The following STX18 variants were observed in gnomAD, a reference collection of about 807,000 sequenced individuals.
The protein encoded by STX18 is syntaxin 18.
Under a neutral mutation model 50.1 loss-of-function variants are expected in STX18, and 40 were observed. The ratio of observed to expected loss-of-function variants is 0.80; its 90% CI spans 0.62 to 1.04. The LOEUF (loss-of-function observed/expected upper bound fraction) is 1.04, where lower values mean the gene tolerates loss of function less well. Ranked by LOEUF, STX18 falls within the 50% of genes least tolerant of loss-of-function variation. STX18 has a pLI of 0.00. For missense variants in STX18, 410 were observed against 415.8 expected (o/e 0.99, Z 0.12); for synonymous variants, 158 against 151.8 (o/e 1.04, Z -0.30).
At chr4:4,438,095 T>C (rs1019386380) in intron 6 of STX18, among the ~76,000 whole-genome samples, 74 of 152,338 alleles carry the variant, frequency 4.9e-4, no homozygotes, top group African/African-American at 1.7e-3. Flanking sequence ...CTGCCTCTCC[T>C]GAGGCCGGCA....
At chr4:4,456,939 C>T (rs915444781) in intron 5 of STX18, among the ~76,000 whole-genome samples, 5 of 152,148 alleles carry the variant, frequency 3.3e-5, no homozygotes, top group Non-Finnish European at 5.9e-5. Context: ...GGCCAAGCCT[C>T]CTGAGCCTCA....
At chr4:4,517,559 T>C (rs1730327789) in intron 1 of STX18, among the ~76,000 whole-genome samples, 2 of 152,190 alleles carry the variant, frequency 1.3e-5, no homozygotes, top group African/African-American at 4.8e-5. Flanking sequence ...CAAGAAAATC[T>C]AGCAATTTTA....
At chr4:4,488,415 A>G (rs536503854) in intron 1 of STX18, among the ~76,000 whole-genome samples, 37 of 152,346 alleles carry the variant, frequency 2.4e-4, no homozygotes, top group Admixed American at 2.4e-3. Context: ...GAAAACCGAC[A>G]TATCTCACAA....
At chr4:4,497,298 C>A (rs1729224092) in intron 1 of STX18, among the ~76,000 whole-genome samples, 1 of 152,246 alleles carries the variant, frequency 6.6e-6, no homozygotes. Context: ...GGAGCACAGA[C>A]TTCTGTTTTC....
At chr4:4,534,891 C>G (rs546848423) in intron 1 of STX18, among the ~76,000 whole-genome samples, 1 of 152,356 alleles carries the variant, frequency 6.6e-6, no homozygotes, top group East Asian at 1.9e-4. Context: ...CACAACTAGG[C>G]AGTGGGCCGG....
At chr4:4,439,517 TAC>T (rs1266829282) in intron 5 of STX18, among the ~76,000 whole-genome samples, 10 of 122,230 alleles carry the variant, frequency 8.2e-5, no homozygotes, top group Non-Finnish European at 1.3e-4. Flanking sequence ...CACATATACA[TAC>T]ACATATACTC....
intron 7 of STX18, chr4:4,425,429 C>A: frequency 1.6e-6 from 1 of 606,100 alleles, no homozygotes; most frequent in Non-Finnish European, 2.9e-6. Flanking sequence ...AGCTGTGCTG[C>A]CTGGTAATTG....
Position 4,434,789 on chromosome 4 carries a change from G to A in STX18, c.683C>T (p.Ser228Phe). The A allele has an allele frequency of 6.2e-7, 1 of 1,606,612 alleles. No homozygotes were observed. Among genetic ancestry groups the A allele is most frequent in the South Asian group, 1.1e-5 (1 of 88,694 alleles). The change falls in exon 7 of 11, where the codon TCC (serine) becomes TTC (phenylalanine). Residue 228 changes from serine to phenylalanine, a missense_variant. Physicochemically the swap from Ser to Phe is radical, Grantham distance 155. Transcript: ENST00000306200. Reference protein sequence around the residue: ...WGDGKGEDELSPEEIQMFEQE... With the variant: ...WGDGKGEDELFPEEIQMFEQE... Reference sequence around the variant, plus strand: ...CATTACCATTTGTATTTCTTCTGGGGATAACTCATCTTCGCCTTTGCCATC... The same window carrying A: ...CATTACCATTTGTATTTCTTCTGGGAATAACTCATCTTCGCCTTTGCCATC...
chr4:4,503,273 T>C (rs1020479663), intron 1 of STX18, among the ~76,000 whole-genome samples: 1 of 152,220 alleles, frequency 6.6e-6, no homozygotes, highest in Non-Finnish European at 1.5e-5. Flanking sequence ...GAAATTGATA[T>C]TAAACCTTGT....
chr4:4,461,912 A>G (rs1303097142), intron 2 of STX18: 1 of 456,204 alleles, frequency 2.2e-6, no homozygotes. Flanking sequence ...CTACTTAGAG[A>G]CAGCAGAGGT....
chr4:4,480,047 A>G (rs1438544628), intron 1 of STX18, among the ~76,000 whole-genome samples: 1 of 152,248 alleles, frequency 6.6e-6, no homozygotes, highest in Non-Finnish European at 1.5e-5. Context: ...GGTGTGACCC[A>G]TATGCGTGAA....
intron 1 of STX18, among the ~76,000 whole-genome samples, chr4:4,491,921 A>G (rs1350138625): frequency 1.3e-5 from 2 of 152,170 alleles, no homozygotes; most frequent in East Asian, 1.9e-4. Flanking sequence ...CTGGTTTTGA[A>G]GTATGTCACA....
intron 5 of STX18, among the ~76,000 whole-genome samples, chr4:4,452,790 GA>G (rs1309894784): frequency 3.3e-5 from 5 of 152,202 alleles, no homozygotes; most frequent in Non-Finnish European, 7.3e-5. Context: ...AAAACCTTCT[GA>G]AAAGGTTTCA....
At chr4:4,461,863 G>A (rs1216917845) in intron 2 of STX18, 2 of 456,126 alleles carry the variant, frequency 4.4e-6, no homozygotes, top group Non-Finnish European at 8.8e-6. Flanking sequence ...AGCATGGGGT[G>A]TGCATATAGT....
intron 1 of STX18, among the ~76,000 whole-genome samples, chr4:4,486,172 C>A (rs774823108): frequency 2.6e-5 from 4 of 152,158 alleles, no homozygotes; most frequent in Non-Finnish European, 5.9e-5. Flanking sequence ...TTTGGGTGTT[C>A]AATCAATTTG....
chr4:4,532,183 G>T (rs1187306795), intron 1 of STX18, among the ~76,000 whole-genome samples: 1 of 152,186 alleles, frequency 6.6e-6, no homozygotes, highest in Non-Finnish European at 1.5e-5. Context: ...TATTGTAGAA[G>T]AATCTTGATT....
intron 1 of STX18, among the ~76,000 whole-genome samples, chr4:4,484,109 G>A (rs1007806895): frequency 1.5e-4 from 23 of 152,176 alleles, no homozygotes; most frequent in Non-Finnish European, 2.4e-4. Context: ...TGATCCGCCC[G>A]CCTTGGCCTC....
Position 4,420,957 on chromosome 4 carries a change from A to AGATAAATACAAGTT in STX18, c.832-27_832-14dup. On this transcript the variant is annotated splice_polypyrimidine_tract_variant and intron_variant, in intron 9 of 10. Coordinates refer to ENST00000306200, the MANE Select transcript of STX18 (RefSeq NM_016930.4). The surrounding 1 kb of genome is among the most constrained non-coding windows in gnomAD (Gnocchi z 4.3). ...CAATCTCAGCTTCCTGTGGAAGAAA[A>AGATAAATACAAGTT]GATAAATACAAGTTGAGTATCCTTT... 1 of 1,613,552 alleles carries AGATAAATACAAGTT rather than the reference A, an allele frequency of 6.2e-7. No homozygotes were observed. The highest frequency in any genetic ancestry group is 8.5e-7 in the Non-Finnish European group (1 of 1,179,596).
At chr4:4,503,378 AAT>A (rs1385754001) in intron 1 of STX18, among the ~76,000 whole-genome samples, 1 of 152,232 alleles carries the variant, frequency 6.6e-6, no homozygotes, top group Non-Finnish European at 1.5e-5. Flanking sequence ...CTTCTGATAA[AAT>A]AGTGTATTTT....
Sources: gnomAD v4.1 joint callset for allele counts (sites outside exome capture counted in the v4.1 genomes callset) on GRCh38, gnomAD v4.1.1 for gene constraint, Gnocchi (gnomAD v3.1) non-coding constraint, MANE v1.5 for transcripts, NCBI Gene and HGNC (gene_info 2026-07-23, HGNC 2026-07-21) for gene names.